The following EXOC4 variants were observed in gnomAD, a reference collection of about 807,000 sequenced individuals.
The protein encoded by EXOC4 is SEC8-like 1.
In EXOC4, 71 loss-of-function variants were observed where a neutral mutation model predicts 107.2. The observed-to-expected ratio is 0.66, with a 90% CI of 0.55 to 0.81. The LOEUF is 0.81. EXOC4 is among the 30% of genes least tolerant of loss of function. EXOC4 has a pLI of 0.00. For missense variants in EXOC4, 1,108 were observed against 1,189.6 expected, an observed-to-expected ratio of 0.93 and a Z score of 1.01; for synonymous variants, 456 against 441.2, an observed-to-expected ratio of 1.03 and a Z score of -0.42.
At chr7:133,965,489 T>G (rs541141913) in intron 14 of EXOC4, among the ~76,000 whole-genome samples, 1 of 152,358 alleles carries the variant, frequency 6.6e-6, no homozygotes, top group East Asian at 1.9e-4. Context: ...TTAATCCATC[T>G]TGACTTAATT....
intron 17 of EXOC4, among the ~76,000 whole-genome samples, chr7:134,027,573 G>A (rs1269663717): frequency 6.7e-6 from 1 of 149,694 alleles, no homozygotes; most frequent in Non-Finnish European, 1.5e-5. Flanking sequence ...CACGAGAATC[G>A]CTTGAACCCA....
chr7:133,770,408 CGT>C (rs1341212992), intron 10 of EXOC4, among the ~76,000 whole-genome samples: 4 of 151,848 alleles, frequency 2.6e-5, no homozygotes, highest in Non-Finnish European at 5.9e-5. Context: ...CTTCTGTGAT[CGT>C]TAAAAAAGAC....
At chr7:133,323,952 G>T (rs1795175262) in intron 5 of EXOC4, among the ~76,000 whole-genome samples, 1 of 152,156 alleles carries the variant, frequency 6.6e-6, no homozygotes, top group South Asian at 2.1e-4. Flanking sequence ...GGGTGTATGT[G>T]TCAAGGAATT....
chr7:133,301,508 A>C (rs1326993434), intron 3 of EXOC4, among the ~76,000 whole-genome samples: 1 of 152,212 alleles, frequency 6.6e-6, no homozygotes, highest in Non-Finnish European at 1.5e-5. Context: ...TGACCTAGTG[A>C]AAAGTGATAA....
intron 5 of EXOC4, among the ~76,000 whole-genome samples, chr7:133,339,486 C>A (rs147656888): frequency 1.3e-5 from 2 of 152,020 alleles, no homozygotes; most frequent in Non-Finnish European, 2.9e-5. Flanking sequence ...GCTTTGGCTA[C>A]GTGGGTTCCA....
Position 133,595,153 on chromosome 7 carries a change from G to T in EXOC4, c.1418-34892G>T, listed in dbSNP as rs149949344. Among the ~76,000 whole-genome samples the T allele has an allele frequency of 4.2e-4, 64 of 152,274 alleles. No homozygotes were observed. The East Asian group carries it at 0.012, about 29-fold the overall frequency. ...AGAGAGAACTTTTTTCCCCATCGAG[G>T]AAAGGAAGAGAAGGAGGATGGAACC... On this transcript the variant is annotated intron_variant, in intron 9 of 17. Transcript: ENST00000253861.
intron 17 of EXOC4, among the ~76,000 whole-genome samples, chr7:134,034,109 G>C (rs1330015813): frequency 6.6e-6 from 1 of 152,148 alleles, no homozygotes; most frequent in Non-Finnish European, 1.5e-5. Flanking sequence ...ACAGTGAAAA[G>C]GTAACCATGA....
intron 10 of EXOC4, among the ~76,000 whole-genome samples, chr7:133,631,033 A>T (rs972215453): frequency 1.3e-5 from 2 of 152,200 alleles, no homozygotes; most frequent in Non-Finnish European, 2.9e-5. Context: ...TGTATGGTAC[A>T]TTTAAAAAAG....
chr7:133,253,254 G>A (rs1425525381), intron 1 of EXOC4, 67 bp downstream of exon 1: 1 of 1,576,784 alleles, frequency 6.3e-7, no homozygotes, highest in African/African-American at 1.4e-5. Context: ...TTGGAAGGGA[G>A]AAGGGTTAGC....
At chr7:134,026,837 G>A (rs1160899029) in intron 17 of EXOC4, among the ~76,000 whole-genome samples, 1 of 151,992 alleles carries the variant, frequency 6.6e-6, no homozygotes, top group African/African-American at 2.4e-5. Context: ...GAGCAACGTT[G>A]CTTTCTTAAA....
rs75378372 is a variant in EXOC4 at position 133,625,369 on chromosome 7, C to G, written c.1418-4676C>G. ...TTTTATAAATGGGAATGCTGACGCT[C>G]AGAGAATTTAAATAATTTTATCACA... On this transcript the variant is annotated intron_variant, in intron 9 of 17. Transcript: ENST00000253861. 5.9e-5 allele frequency among the ~76,000 whole-genome samples: 9 copies of G among 152,296 alleles called. No homozygotes were observed. The East Asian group carries it at 1.7e-3, about 29-fold the overall frequency.
intron 14 of EXOC4, among the ~76,000 whole-genome samples, chr7:133,945,974 C>T (rs575335192): frequency 2.8e-4 from 42 of 152,240 alleles, no homozygotes; most frequent in Non-Finnish European, 3.7e-4. Context: ...ACCATTAAGC[C>T]GGAGTTTTCC....
chr7:133,523,351 A>G (rs1800015524), intron 9 of EXOC4, among the ~76,000 whole-genome samples: 1 of 152,086 alleles, frequency 6.6e-6, no homozygotes, highest in Non-Finnish European at 1.5e-5. Context: ...GTCATAGTTC[A>G]CTGCCATGTT....
At chr7:133,843,005 A>G (rs1022784368) in intron 11 of EXOC4, among the ~76,000 whole-genome samples, 8 of 152,122 alleles carry the variant, frequency 5.3e-5, no homozygotes, top group Admixed American at 2.6e-4. Flanking sequence ...AGGGCTCTCT[A>G]TTCTGTTCCA....
chr7:133,783,214 T>C lies in EXOC4; in HGVS notation c.1515-34111T>C, dbSNP rs568889207. Among the ~76,000 whole-genome samples, 4 of 152,336 alleles carry C rather than the reference T, an allele frequency of 2.6e-5. 1 individual carries two copies. Among genetic ancestry groups the C allele is most frequent in the Admixed American group, 2.6e-4 (4 of 15,310 alleles). ...GCATCCCTTGAAAACTTTACTTTTT[T>C]AGTCCCTTCCCTGTCACAGGAGACC... On this transcript the variant is annotated intron_variant, in intron 10 of 17. Transcript: ENST00000253861.
At chr7:134,011,902 A>G (rs1050923610) in intron 17 of EXOC4, among the ~76,000 whole-genome samples, 1 of 152,036 alleles carries the variant, frequency 6.6e-6, no homozygotes, top group South Asian at 2.1e-4. Context: ...GTAACATTTG[A>G]GGAAAAACCT....
intron 9 of EXOC4, among the ~76,000 whole-genome samples, chr7:133,502,014 C>T (rs1334508651): frequency 6.6e-6 from 1 of 152,118 alleles, no homozygotes; most frequent in African/African-American, 2.4e-5. Context: ...TCATGCACAA[C>T]ATCCAATTTT....
chr7:133,649,917 A>G (rs888374531), intron 10 of EXOC4, among the ~76,000 whole-genome samples: 1 of 152,174 alleles, frequency 6.6e-6, no homozygotes, highest in African/African-American at 2.4e-5. Flanking sequence ...ATGAGAACCT[A>G]TTTAATATTA....
intron 9 of EXOC4, among the ~76,000 whole-genome samples, chr7:133,527,640 A>G (rs1240910868): frequency 6.6e-6 from 1 of 152,194 alleles, no homozygotes; most frequent in Non-Finnish European, 1.5e-5. Context: ...CAAGTTGTGT[A>G]GAAGAGAAAA....
Sources: gnomAD v4.1 joint callset for allele counts (sites outside exome capture counted in the v4.1 genomes callset) on GRCh38, gnomAD v4.1.1 for gene constraint, MANE v1.5 for transcripts, NCBI Gene and HGNC (gene_info 2026-07-23, HGNC 2026-07-21) for gene names.